Variants in SCML2 observed in about 807,000 individuals in gnomAD.
The protein encoded by SCML2 is sex comb on midleg-like protein 2.
In SCML2, 6 loss-of-function variants were observed where a neutral mutation model predicts 48.4. The ratio of observed to expected loss-of-function variants is 0.12; its 90% CI spans 0.07 to 0.24. The LOEUF is 0.24. SCML2 is among the 10% of genes least tolerant of loss of function. SCML2 has a pLI of 1.00. For synonymous variants in SCML2, 181 were observed against 189.5 expected (o/e 0.95, Z 0.37); for missense variants, 377 against 528.2 (o/e 0.71, Z 2.81).
At chrX:18,286,761 G>A (rs929684478) in intron 7 of SCML2, among the ~76,000 whole-genome samples, 1 of 110,416 alleles carries the variant, frequency 9.1e-6, no homozygotes, top group African/African-American at 3.3e-5. Context: ...TACCCAAAAC[G>A]AGCACAAAAG....
At chrX:18,256,642 A>G (rs905829867) in intron 11 of SCML2, among the ~76,000 whole-genome samples, 3 of 112,489 alleles carry the variant, frequency 2.7e-5, no homozygotes, top group Non-Finnish European at 5.6e-5. Context: ...GCCAAACATA[A>G]GTAAGCCATG....
At chrX:18,300,037 C>G (rs1928533350) in intron 7 of SCML2, among the ~76,000 whole-genome samples, 1 of 110,148 alleles carries the variant, frequency 9.1e-6, no homozygotes, top group African/African-American at 3.3e-5. Context: ...CTATGCCTGG[C>G]CAGAAAAGGG....
At position 18,334,110 on chromosome X, in the gene SCML2, A is replaced by G; in HGVS notation, c.-24-15T>C. 1.8e-6 allele frequency: 2 copies of G among 1,101,850 alleles called. No homozygotes were observed. The highest frequency in any genetic ancestry group is 2.5e-6 in the Non-Finnish European group (2 of 806,457). 90.8% of individuals were successfully genotyped at this position (1,101,850 alleles called of 1,213,427 possible). ...GGTGTTGTTTCCTACAAGGAGAAAA[A>G]CCAATTAATGCCTCCTTTTAGCATA... On this transcript the variant is annotated splice_polypyrimidine_tract_variant and intron_variant, in intron 1 of 14. Transcript: ENST00000251900.
chrX:18,288,802 T>C (rs1332244779), intron 7 of SCML2, among the ~76,000 whole-genome samples: 1 of 112,217 alleles, frequency 8.9e-6, no homozygotes, highest in South Asian at 3.7e-4. Context: ...AGGAATAAAA[T>C]TGCCTTTCTG....
chrX:18,277,353 G>A (rs914481857), intron 7 of SCML2, among the ~76,000 whole-genome samples: 1 of 112,537 alleles, frequency 8.9e-6, no homozygotes. Context: ...TTATAGGCAT[G>A]AGCCACCATG....
intron 7 of SCML2, 102 bp from the exon 8 acceptor site, chrX:18,265,904 C>A (rs763495434): frequency 9.0e-5 from 50 of 554,305 alleles, no homozygotes; most frequent in Non-Finnish European, 1.4e-4. Context: ...AAACCATTTC[C>A]AAAGGTTATT....
chrX:18,243,815 TA>T (rs1926350573), intron 13 of SCML2, among the ~76,000 whole-genome samples: 2 of 112,082 alleles, frequency 1.8e-5, no homozygotes, highest in Admixed American at 9.5e-5. Context: ...CTTAACTCCC[TA>T]AAGTTAGTGT....
intron 7 of SCML2, 66 bp downstream of exon 7, chrX:18,304,906 G>C (rs1928709011): frequency 8.8e-7 from 1 of 1,135,346 alleles, no homozygotes. Flanking sequence ...TAATCACAAT[G>C]CCACCAATGA....
At chrX:18,243,024 GAA>G (rs1926322672) in intron 13 of SCML2, among the ~76,000 whole-genome samples, 1 of 112,224 alleles carries the variant, frequency 8.9e-6, no homozygotes, top group African/African-American at 3.2e-5. Context: ...AAATCCGATG[GAA>G]ATTCCCCAAA....
At chrX:18,246,536 C>T (rs1926452850) in intron 13 of SCML2, 41 bp downstream of exon 13, 1 of 1,150,902 alleles carries the variant, frequency 8.7e-7, no homozygotes, top group Non-Finnish European at 1.2e-6. Flanking sequence ...AATCTCAAGG[C>T]AAAAGACAAA....
intron 1 of SCML2, among the ~76,000 whole-genome samples, chrX:18,351,564 G>A (rs1930375771): frequency 1.8e-5 from 2 of 108,210 alleles, no homozygotes; most frequent in Admixed American, 2.0e-4. Flanking sequence ...AGGAGACAGT[G>A]AGACCTACCC....
intron 1 of SCML2, among the ~76,000 whole-genome samples, chrX:18,337,538 T>C (rs1929871790): frequency 9.1e-6 from 1 of 110,151 alleles, no homozygotes; most frequent in African/African-American, 3.3e-5. Context: ...CATTACATAA[T>C]GATAAAGGGG....
At chrX:18,290,271 G>C (rs1476379917) in intron 7 of SCML2, among the ~76,000 whole-genome samples, 1 of 111,773 alleles carries the variant, frequency 8.9e-6, no homozygotes, top group African/African-American at 3.2e-5. Context: ...CCCAATAAAC[G>C]GGAAGGTTTT....
In SCML2 at chrX:18,258,101, T is replaced by C; in HGVS notation, c.1216A>G (p.Thr406Ala). Residue 406 changes from threonine to alanine, a missense_variant, in exon 10 of 15, where the codon ACT (threonine) becomes GCT (alanine). Thr to Ala is a moderately conservative substitution (Grantham distance 58, BLOSUM62 0). Transcript: ENST00000251900. Reference sequence around the variant, plus strand: ...TTCAGGTATCCAAAAACAGTTTTAGTTTCAAGGGCACAATCCACACAGGCC... The same window carrying C: ...TTCAGGTATCCAAAAACAGTTTTAGCTTCAAGGGCACAATCCACACAGGCC... The part of the protein sequence containing the change: ...VQACVDCALE[T>A]KTVFGYLKPD... 1.7e-6 allele frequency: 2 copies of C among 1,211,278 alleles called. No homozygotes were observed. The highest frequency in any genetic ancestry group is 2.2e-6 in the Non-Finnish European group (2 of 895,317).
chrX:18,341,752 G>A (rs1348615009), intron 1 of SCML2, among the ~76,000 whole-genome samples: 2 of 111,139 alleles, frequency 1.8e-5, no homozygotes, highest in African/African-American at 6.5e-5. Flanking sequence ...AAGAATCTGC[G>A]AAGATCCTGA....
chrX:18,316,122 T>C (rs1368288855), intron 6 of SCML2, among the ~76,000 whole-genome samples: 1 of 112,239 alleles, frequency 8.9e-6, no homozygotes, highest in Non-Finnish European at 1.9e-5. Context: ...AGCACAGTGA[T>C]TCACGCCTGT....
chrX:18,316,698 T>C (rs1259559690), intron 6 of SCML2, among the ~76,000 whole-genome samples: 1 of 112,052 alleles, frequency 8.9e-6, no homozygotes, highest in African/African-American at 3.2e-5. Context: ...TGTTAGGAAC[T>C]GGGTGGCACA....
chrX:18,316,930 C>T (rs894287246), intron 6 of SCML2, among the ~76,000 whole-genome samples: 14 of 112,148 alleles, frequency 1.2e-4, no homozygotes, highest in Admixed American at 5.6e-4. Flanking sequence ...ATCCCGAAAC[C>T]ACCCACCCCT....
At position 18,258,198 on chromosome X, in the gene SCML2, G is replaced by C; in HGVS notation, c.1119C>G (p.Pro373=). 8.3e-7 allele frequency: 1 copy of C among 1,211,278 alleles called. No individual in the cohort carries two copies. Among genetic ancestry groups the C allele is most frequent in the Non-Finnish European group, 1.1e-6 (1 of 895,085 alleles). The change falls in exon 10 of 15, where the codon CCC becomes CCG. Residue 373 remains proline, a synonymous_variant. Coordinates refer to ENST00000251900, the MANE Select transcript of SCML2 (RefSeq NM_006089.3). ...GGTCAGGCAGCTGCTGGATTCTCTT[G>C]GGATCCAGATGAGGGCCAAAGTTTC... ...KHGNFGPHLD[P]KRIQQLPDHF...
Sources: allele counts gnomAD v4.1 joint callset (sites outside exome capture counted in the v4.1 genomes callset), GRCh38; gene constraint gnomAD v4.1.1; transcripts MANE v1.5; gene names NCBI Gene and HGNC (gene_info 2026-07-23, HGNC 2026-07-21).